Variants in GALNT10 observed in about 807,000 individuals in gnomAD.
GALNT10 encodes polypeptide N-acetylgalactosaminyltransferase 10.
In GALNT10, 41 loss-of-function variants were observed where a neutral mutation model predicts 75.0. That is an observed-to-expected ratio of 0.55 (90% confidence interval 0.43 to 0.71). GALNT10 has a LOEUF of 0.71. Ranked by LOEUF, GALNT10 falls within the 30% of genes least tolerant of loss-of-function variation. GALNT10 has a pLI of 0.00. For missense variants in GALNT10, 727 were observed against 818.5 expected (o/e 0.89, Z 1.36); for synonymous variants, 302 against 313.0 (o/e 0.96, Z 0.37).
chr5:154,255,377 T>C (rs1225060921), intron 1 of GALNT10, among the ~76,000 whole-genome samples: 2 of 152,082 alleles, frequency 1.3e-5, no homozygotes, highest in Non-Finnish European at 2.9e-5. Context: ...GTGCCGGGTA[T>C]AATGAGAAAG....
intron 3 of GALNT10, among the ~76,000 whole-genome samples, chr5:154,301,846 T>TAGGA (rs1754364952): frequency 6.6e-6 from 1 of 152,224 alleles, no homozygotes; most frequent in South Asian, 2.1e-4. Flanking sequence ...GTGGAACTCC[T>TAGGA]GTTCCAGGTG....
intron 4 of GALNT10, among the ~76,000 whole-genome samples, chr5:154,362,113 G>A (rs1441773028): frequency 6.6e-6 from 1 of 152,234 alleles, no homozygotes; most frequent in East Asian, 1.9e-4. Context: ...CCAAATATAA[G>A]AAGCTCCTTC....
At chr5:154,203,254 C>G (rs1442416080) in intron 1 of GALNT10, among the ~76,000 whole-genome samples, 2 of 152,094 alleles carry the variant, frequency 1.3e-5, no homozygotes, top group Non-Finnish European at 2.9e-5. Context: ...CTCCTTCCAC[C>G]TCCCCCCGCA....
intron 3 of GALNT10, among the ~76,000 whole-genome samples, chr5:154,301,914 C>A (rs1754368697): frequency 6.6e-6 from 1 of 152,104 alleles, no homozygotes; most frequent in African/African-American, 2.4e-5. Context: ...ACCCACCCAG[C>A]CAGCCAGCCA....
At chr5:154,244,314 C>G (rs140788053) in intron 1 of GALNT10, among the ~76,000 whole-genome samples, 2 of 152,160 alleles carry the variant, frequency 1.3e-5, no homozygotes, top group African/African-American at 4.8e-5. Flanking sequence ...TGCCTGTAAT[C>G]CCAGCACTTT....
chr5:154,287,251 C>T (rs1754124671), intron 1 of GALNT10, among the ~76,000 whole-genome samples: 1 of 152,216 alleles, frequency 6.6e-6, no homozygotes, highest in Non-Finnish European at 1.5e-5. Context: ...TAAGGCCCTC[C>T]AATTCTGGTC....
At chr5:154,413,687 GGAGGCTTGCTTGAAGCCAGGTGTTC>G (rs1756446435) in intron 10 of GALNT10, among the ~76,000 whole-genome samples, 2 of 152,318 alleles carry the variant, frequency 1.3e-5, no homozygotes, top group African/African-American at 4.8e-5. Flanking sequence ...GAAGCTTAGG[GGAGGCTTGCTTGAAGCCAGGTGTTC>G]GAGGTTACAG....
rs970575198 is a variant in GALNT10 at position 154,412,634 on chromosome 5, C to G, written c.1387-255C>G. On this transcript the variant is annotated intron_variant, in intron 9 of 11. Coordinates refer to ENST00000297107, the MANE Select transcript of GALNT10 (RefSeq NM_198321.4). This position sits in a 1 kb window ranked among gnomAD's most constrained non-coding sequence, Gnocchi z 4.2. The stretch of plus-strand genomic sequence containing the variant: ...TACCAACTCCTCACCTCCACTCCCC[C>G]ACCACCAACCCAGGACTCTGCATAC... 2.8e-5 allele frequency: 11 copies of G among 386,296 alleles called. No homozygotes were observed. Among genetic ancestry groups the G allele is most frequent in the African/African-American group, 1.9e-4 (9 of 46,658 alleles). 23.9% of individuals were successfully genotyped at this position (386,296 alleles called of 1,614,324 possible). A position where few individuals can be genotyped will look rare whatever the true frequency, so the allele number is the denominator to read the frequency against.
At chr5:154,231,177 G>C (rs1189664688) in intron 1 of GALNT10, among the ~76,000 whole-genome samples, 1 of 152,242 alleles carries the variant, frequency 6.6e-6, no homozygotes, top group Non-Finnish European at 1.5e-5. Flanking sequence ...AATGAGGAGA[G>C]AGTGGTGAGT....
chr5:154,386,669 T>C (rs1172157124), intron 7 of GALNT10: 5 of 589,230 alleles, frequency 8.5e-6, no homozygotes, highest in Non-Finnish European at 1.5e-5. Flanking sequence ...ACCACAGCTC[T>C]GACTGGCATT....
At chr5:154,224,410 C>G (rs566821837) in intron 1 of GALNT10, among the ~76,000 whole-genome samples, 1 of 152,222 alleles carries the variant, frequency 6.6e-6, no homozygotes, top group Non-Finnish European at 1.5e-5. Flanking sequence ...TTGCTTCCTC[C>G]TTCTTCCTCG....
At chr5:154,356,205 C>G (rs1406130598) in intron 4 of GALNT10, 2 of 456,350 alleles carry the variant, frequency 4.4e-6, no homozygotes, top group Admixed American at 4.7e-5. Flanking sequence ...GACCCTTCAG[C>G]ATACGCAGCT....
chr5:154,219,838 T>TCTCACACA (rs1491445463), intron 1 of GALNT10, among the ~76,000 whole-genome samples: 11 of 125,666 alleles, frequency 8.8e-5, no homozygotes, highest in African/African-American at 2.6e-4. Context: ...TCTCTCTCTC[T>TCTCACACA]CACACACACA....
Position 154,204,575 on chromosome 5 carries a change from A to G in GALNT10, c.159+13550A>G, listed in dbSNP as rs138555911. On this transcript the variant is annotated intron_variant, in intron 1 of 11. Transcript: ENST00000297107. ...TGTGTCTCCTCCTCTCAGTCACAGC[A>G]CAGCAGCTGCATTAGCCTTCTTACA... Among the ~76,000 whole-genome samples the G allele has an allele frequency of 4.5e-3, 685 of 152,262 alleles. 6 individuals are homozygous for G. The highest frequency in any genetic ancestry group is 0.016 in the African/African-American group (651 of 41,560).
chr5:154,240,966 A>C (rs557676757), intron 1 of GALNT10, among the ~76,000 whole-genome samples: 2 of 152,348 alleles, frequency 1.3e-5, no homozygotes, highest in South Asian at 4.1e-4. Context: ...GGTAATGTTC[A>C]GAATGCATTT....
intron 4 of GALNT10, among the ~76,000 whole-genome samples, chr5:154,364,230 G>T (rs1358115311): frequency 6.6e-6 from 1 of 152,202 alleles, no homozygotes; most frequent in Non-Finnish European, 1.5e-5. Flanking sequence ...TGCACCAGGG[G>T]CAGGGCTGAG....
At chr5:154,242,005 T>C (rs1251019696) in intron 1 of GALNT10, among the ~76,000 whole-genome samples, 3 of 152,176 alleles carry the variant, frequency 2.0e-5, no homozygotes, top group Non-Finnish European at 4.4e-5. Context: ...CACAGTAACT[T>C]ACAGTGCCCA....
chr5:154,191,441 C>A (rs1247307215), intron 1 of GALNT10, among the ~76,000 whole-genome samples: 1 of 42,198 alleles, frequency 2.4e-5, no homozygotes, highest in Admixed American at 1.5e-4. Flanking sequence ...TCCCACCCCC[C>A]CCCCCCCACA....
intron 5 of GALNT10, among the ~76,000 whole-genome samples, chr5:154,378,347 C>T (rs1276001642): frequency 6.6e-6 from 1 of 152,200 alleles, no homozygotes; most frequent in Admixed American, 6.5e-5. Context: ...TCATCATTAT[C>T]ACGGCTCTCA....
Sources: gnomAD v4.1 joint callset for allele counts (sites outside exome capture counted in the v4.1 genomes callset) on GRCh38, gnomAD v4.1.1 for gene constraint, Gnocchi (gnomAD v3.1) non-coding constraint, MANE v1.5 for transcripts, NCBI Gene and HGNC (gene_info 2026-07-23, HGNC 2026-07-21) for gene names.